FRMPD4: variants seen among roughly 807,000 people sequenced by gnomAD.
The protein encoded by FRMPD4 is FERM and PDZ domain containing 4.
Under a neutral mutation model 94.1 loss-of-function variants are expected in FRMPD4, and 22 were observed. That is an observed-to-expected ratio of 0.23 (90% CI 0.17 to 0.33). The LOEUF (loss-of-function observed/expected upper bound fraction) is 0.33. Among genes scored for constraint, FRMPD4 ranks in the 10% least tolerant of loss-of-function variants. FRMPD4 has a pLI of 1.00. For synonymous variants in FRMPD4, 631 were observed against 548.6 expected (o/e 1.15, Z -2.10); for missense variants, 1,111 against 1,339.9 (o/e 0.83, Z 2.67).
At chrX:12,683,399 T>C (rs1386267855) in intron 5 of FRMPD4, 84 bp from the exon 6 acceptor site, 1 of 508,307 alleles carries the variant, frequency 2.0e-6, no homozygotes, top group Non-Finnish European at 3.3e-6. Context: ...AGCAAAATTA[T>C]TGCATACCTA....
intron 1 of FRMPD4, among the ~76,000 whole-genome samples, chrX:11,859,799 A>G (rs1451676000): frequency 1.8e-5 from 2 of 111,955 alleles, no homozygotes; most frequent in East Asian, 2.8e-4. Context: ...AGCTAATCCA[A>G]CACTAAGATT....
At chrX:12,279,192 G>A (rs183775411) in intron 1 of FRMPD4, among the ~76,000 whole-genome samples, 4 of 112,730 alleles carry the variant, frequency 3.5e-5, no homozygotes, top group African/African-American at 9.6e-5. Context: ...CCCTTGTAAC[G>A]GTGATGATGT....
chrX:12,187,964 C>A (rs1171858364), intron 1 of FRMPD4, among the ~76,000 whole-genome samples: 1 of 111,648 alleles, frequency 9.0e-6, no homozygotes, highest in Non-Finnish European at 1.9e-5. Flanking sequence ...AGTGTGAACA[C>A]CCCAAACCAG....
intron 3 of FRMPD4, among the ~76,000 whole-genome samples, chrX:11,960,207 C>T (rs1219171850): frequency 8.9e-6 from 1 of 112,015 alleles, no homozygotes; most frequent in Admixed American, 9.5e-5. Context: ...CCTATGCTTC[C>T]CCTCCCTGCT....
chrX:11,925,996 C>T (rs1034383236), intron 3 of FRMPD4, among the ~76,000 whole-genome samples: 13 of 110,154 alleles, frequency 1.2e-4, no homozygotes, highest in Non-Finnish European at 1.5e-4. Context: ...GCTAGCTAGA[C>T]TAATAAAAAA....
intron 3 of FRMPD4, among the ~76,000 whole-genome samples, chrX:11,993,383 C>A (rs2054476122): frequency 9.0e-6 from 1 of 111,286 alleles, no homozygotes; most frequent in Non-Finnish European, 1.9e-5. Context: ...GAGGGCTATC[C>A]TACACATTGT....
intron 16 of FRMPD4, among the ~76,000 whole-genome samples, chrX:12,720,056 AAGAAAGAAAGAAAGAAAGAAAGAAAG>A (rs2042202344): frequency 2.3e-5 from 2 of 85,934 alleles, no homozygotes; most frequent in African/African-American, 8.5e-5. Context: ...AAAGGAAAGA[AAGAAAGAAAGAAAGAAAGAAAGAAAG>A]AGAAAGAAAG....
chrX:12,235,927 A>G (rs5979555), intron 1 of FRMPD4, among the ~76,000 whole-genome samples: 1,721 of 111,681 alleles, frequency 0.015, 40 homozygotes, highest in African/African-American at 0.054. Context: ...TCAGTGATGT[A>G]CATGTAGCTC....
chrX:12,339,454 A>G (rs1255283173), intron 1 of FRMPD4, among the ~76,000 whole-genome samples: 2 of 111,590 alleles, frequency 1.8e-5, no homozygotes, highest in Non-Finnish European at 3.8e-5. Context: ...TGGCTAACCT[A>G]TGTCAAACCA....
chrX:12,022,757 C>T (rs777670237), intron 3 of FRMPD4, among the ~76,000 whole-genome samples: 77 of 111,032 alleles, frequency 6.9e-4, no homozygotes, highest in African/African-American at 2.4e-3. Context: ...TCTTGGCTTT[C>T]GGTAGGGTAT....
At chrX:11,859,257 C>T (rs2053671736) in intron 1 of FRMPD4, among the ~76,000 whole-genome samples, 1 of 111,578 alleles carries the variant, frequency 9.0e-6, no homozygotes, top group Admixed American at 9.6e-5. Context: ...TTATTCTCTG[C>T]AATAAAGGTG....
At chrX:12,676,328 C>T (rs989121657) in intron 5 of FRMPD4, among the ~76,000 whole-genome samples, 31 of 112,499 alleles carry the variant, frequency 2.8e-4, no homozygotes, top group Admixed American at 2.8e-4. Flanking sequence ...GTCATTTTCA[C>T]TTACTTCACA....
intron 1 of FRMPD4, among the ~76,000 whole-genome samples, chrX:12,230,946 TA>T (rs1186746214): frequency 5.3e-5 from 4 of 75,060 alleles, no homozygotes; most frequent in Non-Finnish European, 9.4e-5. Context: ...CTATATATAG[TA>T]ATATAGTATA....
intron 2 of FRMPD4, among the ~76,000 whole-genome samples, chrX:12,580,403 A>G (rs924598328): frequency 1.8e-5 from 2 of 112,122 alleles, no homozygotes; most frequent in African/African-American, 6.5e-5. Flanking sequence ...CCCCCAGTTG[A>G]TGCCTGAAAC....
intron 1 of FRMPD4, among the ~76,000 whole-genome samples, chrX:11,857,788 A>G (rs2053662151): frequency 8.9e-6 from 1 of 112,882 alleles, no homozygotes; most frequent in Admixed American, 9.3e-5. Context: ...AGAATAGGAG[A>G]AAATTTTTGC....
chrX:11,860,361 C>T (rs1223558004), intron 1 of FRMPD4, among the ~76,000 whole-genome samples: 1 of 111,978 alleles, frequency 8.9e-6, no homozygotes, highest in Non-Finnish European at 1.9e-5. Flanking sequence ...AAGTTAGCTG[C>T]TTTCAGGGTT....
intron 3 of FRMPD4, among the ~76,000 whole-genome samples, chrX:12,061,993 ATAAG>A (rs1380225402): frequency 3.6e-5 from 4 of 112,051 alleles, no homozygotes; most frequent in Non-Finnish European, 7.5e-5. Flanking sequence ...ACACAAATAA[ATAAG>A]TCTCTATTCA....
intron 1 of FRMPD4, among the ~76,000 whole-genome samples, chrX:12,241,338 T>C (rs147393704): frequency 7.4e-4 from 83 of 112,487 alleles, no homozygotes; most frequent in African/African-American, 2.6e-3. Flanking sequence ...AGAGTCACAG[T>C]TGCATGGAAA....
At chrX:12,022,590 T>C (rs1284030804) in intron 3 of FRMPD4, among the ~76,000 whole-genome samples, 2 of 111,522 alleles carry the variant, frequency 1.8e-5, no homozygotes, top group African/African-American at 6.5e-5. Flanking sequence ...CATCATTATG[T>C]CTCTGAAAGC....
Sources: allele counts gnomAD v4.1 joint callset (sites outside exome capture counted in the v4.1 genomes callset), GRCh38; gene constraint gnomAD v4.1.1; transcripts MANE v1.5; gene names NCBI Gene and HGNC (gene_info 2026-07-23, HGNC 2026-07-21).